The following BRWD3 variants were observed in gnomAD, a reference collection of about 807,000 sequenced individuals.
The protein encoded by BRWD3 is bromodomain and WD repeat-containing protein 3.
BRWD3 carries 10 observed loss-of-function variants against 149.7 expected under a neutral mutation model. The ratio of observed to expected loss-of-function variants is 0.07; its 90% CI spans 0.04 to 0.11. The LOEUF is 0.11. Among genes scored for constraint, BRWD3 ranks in the 10% least tolerant of loss-of-function variants. The pLI is 1.00. For missense variants in BRWD3, 940 were observed against 1,373.2 expected (o/e 0.68, Z 4.99); for synonymous variants, 504 against 456.7 (o/e 1.10, Z -1.32).
chrX:80,687,211 T>A (rs1197022511), intron 34 of BRWD3, among the ~76,000 whole-genome samples: 1 of 110,791 alleles, frequency 9.0e-6, no homozygotes, highest in Non-Finnish European at 1.9e-5. Context: ...CTAGACATTA[T>A]ATTCATGGAA....
chrX:80,681,548 G>T, intron 39 of BRWD3, 49 bp from the exon 40 acceptor site: 1 of 1,063,511 alleles, frequency 9.4e-7, no homozygotes, highest in Non-Finnish European at 1.3e-6. Context: ...ATGTTTTCAG[G>T]AAAGTTAAAC....
rs745381405 is a variant in BRWD3 at position 80,809,045 on chromosome X, G to A, written c.91-3C>T. ...TCCTCGAGCTCCTGCACTAGCACCT[G>A]AGCAAAAGGGAAACACAGATATGAG... On this transcript the variant is annotated splice_polypyrimidine_tract_variant and splice_region_variant and intron_variant, in intron 2 of 40. Transcript: ENST00000373275. The A allele has an allele frequency of 8.4e-7, 1 of 1,189,461 alleles. No individual in the cohort carries two copies. The highest frequency in any genetic ancestry group is 1.1e-6 in the Non-Finnish European group (1 of 883,774).
chrX:80,716,343 T>C, intron 19 of BRWD3, 93 bp from the exon 20 acceptor site: 1 of 727,069 alleles, frequency 1.4e-6, no homozygotes, highest in South Asian at 2.3e-5. Flanking sequence ...AAACATATAA[T>C]TTGCCACTTG....
Position 80,744,048 on chromosome X carries a change from G to A in BRWD3, c.797C>T (p.Ser266Phe). The change falls in exon 8 of 41, where the codon TCT (serine) becomes TTT (phenylalanine). Residue 266 changes from serine to phenylalanine, a missense_variant. By Grantham distance (155) the Ser-to-Phe change is radical (BLOSUM62 -2). This residue lies in a region of BRWD3 where 209 missense variants were observed against 396.8 expected (regional missense o/e 0.53). Transcript: ENST00000373275. Reference protein sequence around the residue: ...PVAVLQGHSASITSIQFCPST... With the variant: ...PVAVLQGHSAFITSIQFCPST... ...TTTTCTTACCTGTATGGAAGTAATA[G>A]AAGCTGAATGGCCCTGAAGGACTGC... 8.3e-7 allele frequency: 1 copy of A among 1,209,467 alleles called. No individual in the cohort carries two copies. Among genetic ancestry groups the A allele is most frequent in the East Asian group, 3.0e-5 (1 of 33,827 alleles).
chrX:80,741,974 A>T (rs1342738400), intron 8 of BRWD3, among the ~76,000 whole-genome samples: 1 of 111,508 alleles, frequency 9.0e-6, no homozygotes, highest in Non-Finnish European at 1.9e-5. Flanking sequence ...TTTAGACATG[A>T]AGTCCTTGCC....
intron 4 of BRWD3, among the ~76,000 whole-genome samples, chrX:80,801,369 T>C (rs765284089): frequency 9.5e-6 from 1 of 105,477 alleles, no homozygotes; most frequent in South Asian, 4.4e-4. Flanking sequence ...TACAGGCGCC[T>C]GCCACCGCGC....
intron 8 of BRWD3, among the ~76,000 whole-genome samples, chrX:80,739,715 T>C (rs1374742462): frequency 5.4e-5 from 6 of 111,902 alleles, no homozygotes; most frequent in Non-Finnish European, 9.4e-5. Flanking sequence ...CCCTAAGTTT[T>C]TTCCTATGCC....
chrX:80,761,366 A>G (rs2073800909), intron 6 of BRWD3, among the ~76,000 whole-genome samples: 1 of 112,163 alleles, frequency 8.9e-6, no homozygotes, highest in Admixed American at 9.5e-5. Context: ...ATCTTCATGC[A>G]TGAAAAATAG....
At chrX:80,741,698 T>A (rs1322624706) in intron 8 of BRWD3, among the ~76,000 whole-genome samples, 1 of 112,529 alleles carries the variant, frequency 8.9e-6, no homozygotes, top group Non-Finnish European at 1.9e-5. Flanking sequence ...CTTGGCTGCA[T>A]AAATGTCTTC....
intron 8 of BRWD3, among the ~76,000 whole-genome samples, chrX:80,740,235 A>G (rs1377236774): frequency 1.8e-5 from 2 of 112,222 alleles, no homozygotes; most frequent in Non-Finnish European, 1.9e-5. Flanking sequence ...AAATGGGTAT[A>G]ATTATCTCCT....
chrX:80,681,539 T>C (rs1369458001), intron 39 of BRWD3, 40 bp from the exon 40 acceptor site: 3 of 1,105,594 alleles, frequency 2.7e-6, no homozygotes, highest in South Asian at 1.9e-5. Flanking sequence ...ATAATTATCA[T>C]GTTTTCAGGA....
At chrX:80,769,716 T>C (rs996565954) in intron 6 of BRWD3, among the ~76,000 whole-genome samples, 4 of 105,665 alleles carry the variant, frequency 3.8e-5, no homozygotes, top group Non-Finnish European at 7.8e-5. Context: ...ATTCAAAAGT[T>C]AGCAGAAGGC....
At chrX:80,781,725 A>G (rs369343000) in intron 6 of BRWD3, among the ~76,000 whole-genome samples, 14 of 111,838 alleles carry the variant, frequency 1.3e-4, no homozygotes, top group African/African-American at 4.6e-4. Flanking sequence ...AGAGCACAAT[A>G]TGAAAAGGAA....
intron 8 of BRWD3, among the ~76,000 whole-genome samples, chrX:80,741,922 G>A (rs138887408): frequency 8.1e-4 from 90 of 111,036 alleles, no homozygotes; most frequent in African/African-American, 2.7e-3. Flanking sequence ...TAATTAGATC[G>A]CATTTGTCAA....
intron 11 of BRWD3, among the ~76,000 whole-genome samples, chrX:80,733,756 CATA>C (rs971537954): frequency 9.9e-5 from 11 of 110,764 alleles, no homozygotes; most frequent in African/African-American, 3.6e-4. Flanking sequence ...TTATGTCCTC[CATA>C]ATAAGACAGC....
At chrX:80,771,414 T>C (rs2073942396) in intron 6 of BRWD3, among the ~76,000 whole-genome samples, 1 of 111,152 alleles carries the variant, frequency 9.0e-6, no homozygotes, top group Non-Finnish European at 1.9e-5. Context: ...TATAGACCAA[T>C]GGAACAGAAC....
chrX:80,705,640 A>G (rs763634402), intron 22 of BRWD3, among the ~76,000 whole-genome samples: 173 of 112,042 alleles, frequency 1.5e-3, no homozygotes, highest in African/African-American at 5.4e-3. Flanking sequence ...CAGCTATTCT[A>G]TATAGGTAGA....
chrX:80,720,499 C>A (rs1267711105), intron 17 of BRWD3, among the ~76,000 whole-genome samples: 1 of 111,506 alleles, frequency 9.0e-6, no homozygotes, highest in Non-Finnish European at 1.9e-5. Flanking sequence ...TACAGCTGTA[C>A]AATGTATTTG....
intron 21 of BRWD3, among the ~76,000 whole-genome samples, chrX:80,708,349 T>C (rs1032844988): frequency 4.6e-5 from 5 of 109,402 alleles, no homozygotes; most frequent in Admixed American, 2.0e-4. Context: ...ACAGCTGAGA[T>C]TGAGCCACTG....
Sources: gnomAD v4.1 joint callset for allele counts (sites outside exome capture counted in the v4.1 genomes callset) on GRCh38, gnomAD v4.1.1 for gene constraint, gnomAD v4.1.1 regional missense constraint, MANE v1.5 for transcripts, NCBI Gene and HGNC (gene_info 2026-07-23, HGNC 2026-07-21) for gene names.